The following CFAP65 variants were observed in gnomAD, a reference collection of about 807,000 sequenced individuals.
The protein encoded by CFAP65 is cilia and flagella associated protein 65, also known as cilia- and flagella-associated protein 65.
A neutral mutation model predicts 208.0 loss-of-function variants in CFAP65; 155 were observed. That is an observed-to-expected ratio of 0.75 (90% CI 0.65 to 0.85). The LOEUF is 0.85. Ranked by LOEUF, CFAP65 falls within the 40% of genes least tolerant of loss-of-function variation. The pLI is 0.00. For synonymous variants in CFAP65, 970 were observed against 986.3 expected, an observed-to-expected ratio of 0.98 and a Z score of 0.31; for missense variants, 2,294 against 2,451.3, an observed-to-expected ratio of 0.94 and a Z score of 1.36.
intron 20 of CFAP65, 40 bp downstream of exon 20, chr2:219,019,466 C>T: frequency 6.5e-7 from 1 of 1,546,704 alleles, no homozygotes; most frequent in Non-Finnish European, 8.8e-7. Context: ...CTAGATAGGC[C>T]CTGCCCCCAG....
chr2:219,020,657 G>A (rs1180254576), intron 19 of CFAP65, among the ~76,000 whole-genome samples: 4 of 152,190 alleles, frequency 2.6e-5, no homozygotes, highest in Non-Finnish European at 4.4e-5. Context: ...TGAGATTATA[G>A]GTGTGAGCCA....
At chr2:219,030,659 G>A (rs774545578) in intron 9 of CFAP65, 30 bp downstream of exon 9, 2 of 1,605,260 alleles carry the variant, frequency 1.2e-6, no homozygotes, top group South Asian at 2.2e-5. Flanking sequence ...GGGGGCGTGA[G>A]TCCTGCCGCC....
intron 26 of CFAP65, 68 bp downstream of exon 26, chr2:219,010,478 G>A: frequency 6.5e-7 from 1 of 1,530,468 alleles, no homozygotes; most frequent in Non-Finnish European, 8.8e-7. Context: ...CCATCCTTCT[G>A]TCTGGCCACC....
intron 29 of CFAP65, among the ~76,000 whole-genome samples, chr2:219,008,209 T>C (rs1279487817): frequency 6.6e-6 from 1 of 152,218 alleles, no homozygotes; most frequent in East Asian, 1.9e-4. Flanking sequence ...CGTTGCCCAT[T>C]GCCCAGCTTC....
chr2:219,011,711 A>T (rs922696494), intron 24 of CFAP65, among the ~76,000 whole-genome samples: 2 of 152,216 alleles, frequency 1.3e-5, no homozygotes, highest in Non-Finnish European at 2.9e-5. Context: ...CCTTCCTTTT[A>T]GAGATGAGAA....
chr2:219,038,892 T>C lies in CFAP65; in HGVS notation c.153+4A>G, dbSNP rs919893435. On this transcript the variant is annotated splice_donor_region_variant and intron_variant, in intron 3 of 34. Coordinates refer to ENST00000341552, the MANE Select transcript of CFAP65 (RefSeq NM_194302.4). ...AGTGGGTGTTACTGAAGTGTGTGCATTACCTTTATCTGGCTTTTACTCTCT... is the reference window on the plus strand; with the variant it reads ...AGTGGGTGTTACTGAAGTGTGTGCACTACCTTTATCTGGCTTTTACTCTCT... 2.4e-5 allele frequency: 38 copies of C among 1,604,528 alleles called. No individual in the cohort carries two copies. Among genetic ancestry groups the C allele is most frequent in the Non-Finnish European group, 2.8e-5 (33 of 1,175,084 alleles).
intron 2 of CFAP65, among the ~76,000 whole-genome samples, chr2:219,039,693 A>AT (rs1170632228): frequency 1.3e-5 from 2 of 152,362 alleles, no homozygotes; most frequent in African/African-American, 4.8e-5. Context: ...ACTACATTGA[A>AT]TATGTAATCG....
chr2:219,019,871 A>G, intron 19 of CFAP65, 152 bp from the exon 20 acceptor site: 1 of 635,172 alleles, frequency 1.6e-6, no homozygotes, highest in South Asian at 1.9e-5. Context: ...GGCATTTCCA[A>G]CAACAGCCAG....
In CFAP65 at chr2:219,010,121, C is replaced by T. The variant is rs370682189; in HGVS notation, c.4309-36G>A. ...AGAGCGGAGGTAAAGAAATAAGAAC[C>T]GGCCAGGCATGGTGGCTCACGCCTG... is the stretch of plus-strand genomic sequence containing the variant. On this transcript the variant is annotated intron_variant, in intron 26 of 34. Coordinates refer to ENST00000341552, the MANE Select transcript of CFAP65 (RefSeq NM_194302.4). 828 of 1,546,606 alleles carry T rather than the reference C, an allele frequency of 5.4e-4. 3 individuals carry two copies. Among genetic ancestry groups the T allele is most frequent in the Non-Finnish European group, 6.3e-4 (722 of 1,145,928 alleles).
chr2:219,035,137 C>A, intron 5 of CFAP65: 2 of 472,912 alleles, frequency 4.2e-6, no homozygotes, highest in Non-Finnish European at 7.2e-6. Context: ...ACTCCAAAAT[C>A]ACGTGAGCCT....
intron 13 of CFAP65, chr2:219,026,444 A>G (rs1328959066): frequency 3.3e-6 from 1 of 304,430 alleles, no homozygotes; most frequent in African/African-American, 2.1e-5. Flanking sequence ...GAATGAGCCT[A>G]GAGAAGCGCT....
intron 18 of CFAP65, among the ~76,000 whole-genome samples, 165 bp downstream of exon 18, chr2:219,021,615 A>T (rs896283326): frequency 6.6e-6 from 1 of 152,124 alleles, no homozygotes; most frequent in Non-Finnish European, 1.5e-5. Context: ...TTGTGATCAT[A>T]GTGCACTGCA....
intron 13 of CFAP65, chr2:219,027,135 G>A: frequency 8.9e-7 from 1 of 1,120,852 alleles, no homozygotes; most frequent in Non-Finnish European, 1.1e-6. Context: ...GGATGAGGAG[G>A]GGGCACCACG....
chr2:219,002,975 G>A lies in CFAP65; in HGVS notation c.5740C>T (p.Leu1914Phe). 6.4e-7 allele frequency: 1 copy of A among 1,566,564 alleles called. No homozygotes were observed. Among genetic ancestry groups the A allele is most frequent in the Non-Finnish European group, 8.7e-7 (1 of 1,155,372 alleles). ...GTAGGAAGTGGCACCACCGGGTGGAGTACCTCTGCTTGCTGCGTCGGCAGC... is the reference window on the plus strand; with the variant it reads ...GTAGGAAGTGGCACCACCGGGTGGAATACCTCTGCTTGCTGCGTCGGCAGC... Reference protein sequence around the residue: ...TLLPTQQAEVLHPVVPLPTDL... With the variant: ...TLLPTQQAEVFHPVVPLPTDL... Residue 1914 changes from leucine (L) to phenylalanine (F), a missense_variant, in exon 35 of 35, where the codon CTC becomes TTC. Physicochemically the swap from Leu to Phe is conservative, Grantham distance 22. Around this residue, in one of 2 missense-constraint regions of CFAP65, gnomAD observed 1,427 missense variants for 1,438.7 expected, o/e 0.99. Transcript: ENST00000341552. This position sits in a 1 kb window ranked among gnomAD's most constrained non-coding sequence, Gnocchi z 7.9.
chr2:219,003,349 A>T lies in CFAP65; in HGVS notation c.5556-77T>A, dbSNP rs767302280. 2.1e-6 allele frequency: 3 copies of T among 1,445,850 alleles called. No homozygotes were observed. The highest frequency in any genetic ancestry group is 2.7e-6 in the Non-Finnish European group (3 of 1,098,424). The allele number at this position is 1,445,850 out of a possible 1,614,324, so 89.6% of individuals were successfully genotyped here. On this transcript the variant is annotated intron_variant, in intron 33 of 34. Coordinates refer to ENST00000341552, the MANE Select transcript of CFAP65 (RefSeq NM_194302.4). The surrounding 1 kb of genome is among the most constrained non-coding windows in gnomAD (Gnocchi z 4.4). The stretch of plus-strand genomic sequence containing the variant: ...CCTCGCTCGCCTGTCCGTGCGGTAC[A>T]TTGTGCCGCGAGCTCTACGGAGATT...
At chr2:219,037,494 G>A (rs908457588) in intron 4 of CFAP65, among the ~76,000 whole-genome samples, 7 of 152,222 alleles carry the variant, frequency 4.6e-5, no homozygotes, top group Admixed American at 1.3e-4. Flanking sequence ...AGCTGCCACC[G>A]CACCTAGGTT....
Position 219,003,313 on chromosome 2 carries a change from C to T in CFAP65, c.5556-41G>A. The T allele has an allele frequency of 6.7e-7, 1 of 1,482,058 alleles. No homozygotes were observed. Among genetic ancestry groups the T allele is most frequent in the Non-Finnish European group, 9.0e-7 (1 of 1,115,106 alleles). The allele number at this position is 1,482,058 out of a possible 1,614,324, so 91.8% of individuals were successfully genotyped here. ...GGCTAGCATGAGGGCGGCCGCAGTG[C>T]CCGCGCGCCTCCTCGCTCGCCTGTC... On this transcript the variant is annotated intron_variant, in intron 33 of 34. Transcript: ENST00000341552. This position sits in a 1 kb window ranked among gnomAD's most constrained non-coding sequence, Gnocchi z 4.4.
At chr2:219,011,275 T>C (rs867538752) in intron 24 of CFAP65, among the ~76,000 whole-genome samples, 56 of 138,098 alleles carry the variant, frequency 4.1e-4, no homozygotes, top group African/African-American at 1.5e-3. Context: ...TCTTTCTTTT[T>C]TTTTTTTTTT....
At chr2:219,016,401 TCTC>T (rs1449027524) in intron 21 of CFAP65, among the ~76,000 whole-genome samples, 1 of 149,896 alleles carries the variant, frequency 6.7e-6, no homozygotes, top group Non-Finnish European at 1.5e-5. Context: ...TTTAAGCAAT[TCTC>T]CTGCCTCAGC....
Sources: gnomAD v4.1 joint callset for allele counts (sites outside exome capture counted in the v4.1 genomes callset) on GRCh38, gnomAD v4.1.1 for gene constraint, gnomAD v4.1.1 regional missense constraint, Gnocchi (gnomAD v3.1) non-coding constraint, MANE v1.5 for transcripts, NCBI Gene and HGNC (gene_info 2026-07-23, HGNC 2026-07-21) for gene names.